Variants in EPAS1 observed in about 807,000 individuals in gnomAD.
EPAS1 encodes endothelial PAS domain protein 1, also known as endothelial PAS domain-containing protein 1.
Under a neutral mutation model 87.9 loss-of-function variants are expected in EPAS1, and 23 were observed. That is an observed-to-expected ratio of 0.26 (90% CI 0.19 to 0.37). The LOEUF is 0.37. EPAS1 is among the 10% of genes least tolerant of loss of function. The pLI is 1.00. For synonymous variants in EPAS1, 508 were observed against 444.3 expected (o/e 1.14, Z -1.80); for missense variants, 1,138 against 1,120.7 (o/e 1.02, Z -0.22).
At chr2:46,376,030 G>T (rs563410448) in intron 8 of EPAS1, among the ~76,000 whole-genome samples, 193 bp downstream of exon 8, 1 of 152,192 alleles carries the variant, frequency 6.6e-6, no homozygotes, top group Non-Finnish European at 1.5e-5. Context: ...TGGGATACTG[G>T]GTTGGGATTT....
Position 46,380,582 on chromosome 2 carries a change from C to T in EPAS1, c.1910C>T (p.Thr637Ile), listed in dbSNP as rs201839288. The change falls in exon 12 of 16, where the codon ACC becomes ATC. Residue 637 changes from threonine to isoleucine, a missense_variant. Coordinates refer to ENST00000263734, the MANE Select transcript of EPAS1 (RefSeq NM_001430.5). The surrounding 1 kb of genome is among the most constrained non-coding windows in gnomAD (Gnocchi z 4.4). ...PLSSMGGRSN[T>I]QWPPDPPLHF... The stretch of plus-strand genomic sequence containing the variant: ...TCTTCCATGGGGGGCAGATCCAATA[C>T]CCAGTGGCCCCCAGATCCACCATTA... 7 of 1,614,114 alleles carry T rather than the reference C, an allele frequency of 4.3e-6. No individual in the cohort carries two copies. In the East Asian group the frequency reaches 1.1e-4, roughly 26 times the overall value.
Position 46,378,808 on chromosome 2 carries a change from G to A in EPAS1, c.1554+41G>A, listed in dbSNP as rs1483801162. The stretch of plus-strand genomic sequence containing the variant: ...GATCAGGCTAGGGTGTGTGCCTGCT[G>A]TCTGGTGGACAGCAAAGGCTCACAT... On this transcript the variant is annotated intron_variant, in intron 11 of 15. Transcript: ENST00000263734. 7 of 1,521,150 alleles carry A rather than the reference G, an allele frequency of 4.6e-6. No individual in the cohort carries two copies. In the South Asian group the frequency reaches 6.7e-5, roughly 15 times the overall value. The allele number at this position is 1,521,150 out of a possible 1,614,324, so 94.2% of individuals were successfully genotyped here. A position where few individuals can be genotyped will look rare whatever the true frequency, so the allele number is the denominator to read the frequency against.
At chr2:46,363,196 T>C (rs1413978915) in intron 6 of EPAS1, among the ~76,000 whole-genome samples, 1 of 152,182 alleles carries the variant, frequency 6.6e-6, no homozygotes, top group Non-Finnish European at 1.5e-5. Context: ...ACAATCCCAC[T>C]GCATAGCCCC....
intron 1 of EPAS1, among the ~76,000 whole-genome samples, chr2:46,311,473 C>G (rs761502676): frequency 1.3e-5 from 2 of 152,172 alleles, no homozygotes; most frequent in Non-Finnish European, 2.9e-5. Context: ...CAAGAATCTC[C>G]TAAGAACTCC....
In EPAS1 at chr2:46,302,149, T is replaced by C. The variant is rs867282559; in HGVS notation, c.26+4212T>C. Among the ~76,000 whole-genome samples, 608 of 126,970 alleles carry C rather than the reference T, an allele frequency of 4.8e-3. 11 individuals are homozygous for C. Among genetic ancestry groups the C allele is most frequent in the African/African-American group, 0.019 (555 of 29,560 alleles). The allele number at this position is 126,970 out of a possible 152,430, so 83.3% of individuals were successfully genotyped here. On this transcript the variant is annotated intron_variant, in intron 1 of 15. Coordinates refer to ENST00000263734, the MANE Select transcript of EPAS1 (RefSeq NM_001430.5). ...GTGTGTGTGTGTGTGTGTGTGTGTG[T>C]GCCCGTGCGTCGGGGGGGGGGGCAG...
In EPAS1 at chr2:46,380,343, G is replaced by A. The variant is rs1378707757; in HGVS notation, c.1671G>A (p.Gln557=). ...AGCGGCTCTTGGCGGAGAACCCACA[G>A]TCCACCCCCCAGCACTGCTTCAGTG... ...PEERLLAENP[Q]STPQHCFSAM... The change falls in exon 12 of 16, where the codon CAG becomes CAA. Residue 557 remains glutamine, a synonymous_variant. Coordinates refer to ENST00000263734, the MANE Select transcript of EPAS1 (RefSeq NM_001430.5). The surrounding 1 kb of genome is among the most constrained non-coding windows in gnomAD (Gnocchi z 4.4). The A allele has an allele frequency of 1.2e-6, 2 of 1,614,098 alleles. No individual in the cohort carries two copies. Among genetic ancestry groups the A allele is most frequent in the South Asian group, 1.1e-5 (1 of 91,084 alleles).
intron 7 of EPAS1, among the ~76,000 whole-genome samples, chr2:46,374,469 G>T (rs1315200162): frequency 6.6e-6 from 1 of 152,228 alleles, no homozygotes; most frequent in Non-Finnish European, 1.5e-5. Flanking sequence ...TGTGGGTACA[G>T]TCGATCCTCA....
In EPAS1 at chr2:46,347,162, C is replaced by A. The variant is rs540628796; in HGVS notation, c.217+99C>A. 491 of 1,364,192 alleles carry A rather than the reference C, an allele frequency of 3.6e-4. 6 individuals are homozygous for A. The South Asian group carries it at 5.5e-3, about 15-fold the overall frequency. 84.5% of individuals were successfully genotyped at this position (1,364,192 alleles called of 1,614,324 possible). On this transcript the variant is annotated intron_variant, in intron 2 of 15. Coordinates refer to ENST00000263734, the MANE Select transcript of EPAS1 (RefSeq NM_001430.5). The surrounding 1 kb of genome is among the most constrained non-coding windows in gnomAD (Gnocchi z 4.2). ...TCTGCTGCCAGAGCTGGAAAGTCAC[C>A]CCACTACAGAACTTTCACCCACAGA...
rs149381578 is a variant in EPAS1 at position 46,356,383 on chromosome 2, T to A, written c.369+81T>A. On this transcript the variant is annotated intron_variant, in intron 3 of 15. Coordinates refer to ENST00000263734, the MANE Select transcript of EPAS1 (RefSeq NM_001430.5). ...AATGAGTGGAAGGTGCTAGCCACAA[T>A]CCCACTTGACCTCTCCCTGCAAATG... 7.4e-5 allele frequency: 116 copies of A among 1,571,524 alleles called. 1 individual carries two copies. Among genetic ancestry groups the A allele is most frequent in the Non-Finnish European group, 3.7e-5 (42 of 1,145,560 alleles).
chr2:46,381,794 G>A (rs1684899608), intron 13 of EPAS1, 72 bp downstream of exon 13: 1 of 1,603,218 alleles, frequency 6.2e-7, no homozygotes, highest in Non-Finnish European at 8.5e-7. Flanking sequence ...GAGAGGGGTG[G>A]GGATGTGGCC....
In EPAS1 at chr2:46,347,135, C is replaced by T. The variant is rs1684046255; in HGVS notation, c.217+72C>T. 2 of 1,568,626 alleles carry T rather than the reference C, an allele frequency of 1.3e-6. No homozygotes were observed. Among genetic ancestry groups the T allele is most frequent in the Non-Finnish European group, 1.8e-6 (2 of 1,139,652 alleles). ...AGCATGTTCCTATATGCAGGGGACC[C>T]TTCTGCTGCCAGAGCTGGAAAGTCA... On this transcript the variant is annotated intron_variant, in intron 2 of 15. Coordinates refer to ENST00000263734, the MANE Select transcript of EPAS1 (RefSeq NM_001430.5). The surrounding 1 kb of genome is among the most constrained non-coding windows in gnomAD (Gnocchi z 4.2).
intron 1 of EPAS1, among the ~76,000 whole-genome samples, chr2:46,339,624 G>C (rs1169791112): frequency 6.6e-6 from 1 of 152,242 alleles, no homozygotes; most frequent in Non-Finnish European, 1.5e-5. Context: ...TGATCCAAAT[G>C]TAAAGTGGTA....
At chr2:46,314,365 A>T (rs969473461) in intron 1 of EPAS1, among the ~76,000 whole-genome samples, 5 of 152,130 alleles carry the variant, frequency 3.3e-5, no homozygotes, top group Admixed American at 1.3e-4. Context: ...GCGTGTTGAA[A>T]CACCACTGCC....
chr2:46,317,307 A>G (rs1321818615), intron 1 of EPAS1, among the ~76,000 whole-genome samples: 2 of 152,210 alleles, frequency 1.3e-5, no homozygotes, highest in East Asian at 3.8e-4. Flanking sequence ...AGGAATCACT[A>G]TCTATGGCAG....
At chr2:46,341,480 G>A (rs538051005) in intron 1 of EPAS1, among the ~76,000 whole-genome samples, 1 of 152,170 alleles carries the variant, frequency 6.6e-6, no homozygotes, top group Non-Finnish European at 1.5e-5. Context: ...TCTTTGAAGG[G>A]TAGCCACCTT....
chr2:46,370,488 G>C (rs567861839), intron 7 of EPAS1, among the ~76,000 whole-genome samples: 1 of 152,282 alleles, frequency 6.6e-6, no homozygotes, highest in East Asian at 1.9e-4. Context: ...AGTTCTCAGA[G>C]AGCTTGCTTG....
intron 6 of EPAS1, among the ~76,000 whole-genome samples, chr2:46,362,157 G>A (rs768495577): frequency 6.6e-6 from 1 of 152,232 alleles, no homozygotes; most frequent in Non-Finnish European, 1.5e-5. Flanking sequence ...CAGGGTGACA[G>A]TTCCTGTGGC....
chr2:46,355,159 G>A (rs1572635130), intron 2 of EPAS1, among the ~76,000 whole-genome samples: 2 of 152,212 alleles, frequency 1.3e-5, no homozygotes, highest in Non-Finnish European at 2.9e-5. Context: ...TCCTCACCTG[G>A]GATCTGAGCA....
At chr2:46,344,588 G>T (rs1683980257) in intron 1 of EPAS1, among the ~76,000 whole-genome samples, 3 of 152,120 alleles carry the variant, frequency 2.0e-5, no homozygotes, top group Admixed American at 2.0e-4. Context: ...CCACAATCAG[G>T]TCAGGATTAA....
Sources: gnomAD v4.1 joint callset for allele counts (sites outside exome capture counted in the v4.1 genomes callset) on GRCh38, gnomAD v4.1.1 for gene constraint, Gnocchi (gnomAD v3.1) non-coding constraint, MANE v1.5 for transcripts, NCBI Gene and HGNC (gene_info 2026-07-23, HGNC 2026-07-21) for gene names.